Variants in PDE4DIP observed in about 807,000 individuals in gnomAD.
PDE4DIP encodes phosphodiesterase 4D interacting protein.
In PDE4DIP, 59 loss-of-function variants were observed where a neutral mutation model predicts 221.4. The ratio of observed to expected loss-of-function variants is 0.27; its 90% CI spans 0.22 to 0.33. PDE4DIP has a LOEUF of 0.33. Ranked by LOEUF, PDE4DIP falls within the 10% of genes least tolerant of loss-of-function variation. PDE4DIP has a pLI of 1.00. For missense variants in PDE4DIP, 1,036 were observed against 2,154.2 expected (o/e 0.48, Z 10.28); for synonymous variants, 404 against 815.9 (o/e 0.50, Z 8.60).
intron 14 of PDE4DIP, among the ~76,000 whole-genome samples, chr1:148,969,675 A>G (rs1277812936): frequency 2.7e-5 from 4 of 147,034 alleles, no homozygotes; most frequent in East Asian, 2.0e-4. Flanking sequence ...AGTACAGGGT[A>G]TATTAATTTC....
chr1:148,978,136 C>T, intron 18 of PDE4DIP, 83 bp downstream of exon 21: 1 of 1,358,612 alleles, frequency 7.4e-7, no homozygotes. Context: ...TATTTGCACA[C>T]ATCGAATCCC....
chr1:148,937,654 A>G, intron 4 of PDE4DIP, 93 bp from the exon 8 acceptor site: 1 of 670,610 alleles, frequency 1.5e-6, no homozygotes, highest in Non-Finnish European at 2.7e-6. Flanking sequence ...AACCTGCTAT[A>G]CTAGACCATG....
chr1:149,028,710 T>A lies in PDE4DIP; in HGVS notation c.6813+7T>A. The A allele has an allele frequency of 6.5e-7, 1 of 1,535,342 alleles. No individual in the cohort carries two copies. Among genetic ancestry groups the A allele is most frequent in the Non-Finnish European group, 8.9e-7 (1 of 1,118,464 alleles). Reference sequence around the variant, plus strand: ...TGTGCTGCCTGGCAAAGTGGTAAGATGCCAGTGCCCTTTCTTGGTTCAAAC... The same window carrying A: ...TGTGCTGCCTGGCAAAGTGGTAAGAAGCCAGTGCCCTTTCTTGGTTCAAAC... On this transcript the variant is annotated splice_region_variant and intron_variant, in intron 41 of 43. Transcript: ENST00000369354.
intron 10 of PDE4DIP, among the ~76,000 whole-genome samples, 174 bp from the exon 14 acceptor site, chr1:148,966,367 CTG>C (rs1428993962): frequency 1.7e-5 from 2 of 121,076 alleles, no homozygotes; most frequent in African/African-American, 6.6e-5. Context: ...TGTGTTGTGT[CTG>C]TTGTATGTTG....
chr1:148,877,184 C>G, intron 3 of PDE4DIP, among the ~76,000 whole-genome samples: 1 of 149,522 alleles, frequency 6.7e-6, no homozygotes, highest in African/African-American at 2.5e-5. Context: ...TCCATTATAA[C>G]AAATTTAAGA....
intron 5 of PDE4DIP, among the ~76,000 whole-genome samples, chr1:148,951,606 A>G (rs1553488487): frequency 6.6e-6 from 1 of 151,978 alleles, no homozygotes; most frequent in Non-Finnish European, 1.5e-5. Context: ...ACTGCCCTCT[A>G]CCTGAGGGAA....
intron 16 of PDE4DIP, among the ~76,000 whole-genome samples, chr1:148,973,717 G>A (rs1553534219): frequency 6.6e-6 from 1 of 151,678 alleles, no homozygotes; most frequent in Non-Finnish European, 1.5e-5. Flanking sequence ...ATTAAGTAAT[G>A]TTTAAGATTT....
intron 35 of PDE4DIP, chr1:149,019,342 A>T (rs2071832260): frequency 7.4e-6 from 1 of 135,486 alleles, no homozygotes; most frequent in Admixed American, 7.7e-5. Context: ...ACAAATATTT[A>T]TGAACAGCCA....
chr1:148,927,191 ATAACT>A (rs2046906552), intron 1 of PDE4DIP, among the ~76,000 whole-genome samples: 2 of 151,938 alleles, frequency 1.3e-5, no homozygotes. Flanking sequence ...TCATAAAATA[ATAACT>A]TTAAAGTATA....
At chr1:148,884,965 G>A (rs1201421391), upstream of PDE4DIP, among the ~76,000 whole-genome samples, 8 of 148,386 alleles carry the variant, frequency 5.4e-5, no homozygotes, top group African/African-American at 9.9e-5. Flanking sequence ...CTTGTGTATC[G>A]ATTAAGTTGT....
chr1:149,018,168 G>A (rs1380660338), intron 34 of PDE4DIP, among the ~76,000 whole-genome samples: 2 of 151,848 alleles, frequency 1.3e-5, no homozygotes, highest in Non-Finnish European at 2.9e-5. Flanking sequence ...GGTGGAACCA[G>A]GTCTGTAAGG....
intron 22 of PDE4DIP, among the ~76,000 whole-genome samples, chr1:148,997,572 C>T (rs587609731): frequency 1.3e-5 from 2 of 152,244 alleles, no homozygotes; most frequent in South Asian, 4.2e-4. Flanking sequence ...TTGGTGTTGT[C>T]TTCCCTGTCG....
intron 4 of PDE4DIP, 92 bp from the exon 8 acceptor site, chr1:148,937,655 C>T (rs1262518001): frequency 1.2e-5 from 8 of 670,276 alleles, no homozygotes; most frequent in Admixed American, 8.9e-5. Context: ...ACCTGCTATA[C>T]TAGACCATGC....
chr1:148,892,576 TGTCTCTATCTA>T (rs2149370033), intron 1 of PDE4DIP, among the ~76,000 whole-genome samples: 1 of 121,140 alleles, frequency 8.3e-6, no homozygotes, highest in South Asian at 3.1e-4. Context: ...GATATGGCCC[TGTCTCTATCTA>T]GTCTTACGTG....
exon 44 of PDE4DIP, chr1:149,032,396 G>A (rs1405580917): frequency 7.6e-5 from 36 of 471,804 alleles, no homozygotes; most frequent in African/African-American, 1.5e-4. Context: ...AAAGGGGCAC[G>A]TGGTCCCAAT....
chr1:149,000,522 C>T (rs1387961505), intron 23 of PDE4DIP, among the ~76,000 whole-genome samples: 2 of 151,378 alleles, frequency 1.3e-5, no homozygotes, highest in African/African-American at 4.9e-5. Flanking sequence ...CCACTGCACT[C>T]CAGCCTGGGT....
intron 14 of PDE4DIP, among the ~76,000 whole-genome samples, chr1:148,970,988 T>C (rs1260350894): frequency 1.3e-5 from 2 of 151,710 alleles, no homozygotes; most frequent in Non-Finnish European, 3.0e-5. Context: ...GTTGGTGTTA[T>C]GATTCATCAT....
chr1:148,932,903 C>T (rs1222476921), intron 4 of PDE4DIP, among the ~76,000 whole-genome samples: 5 of 152,074 alleles, frequency 3.3e-5, no homozygotes, highest in African/African-American at 9.7e-5. Context: ...GGGATTAATA[C>T]GCTTGTAAAA....
chr1:148,953,133 C>G, intron 5 of PDE4DIP: 2 of 1,613,942 alleles, frequency 1.2e-6, no homozygotes, highest in East Asian at 2.2e-5. Context: ...GTTGACATGT[C>G]CGTCTTACCC....
Sources: allele counts gnomAD v4.1 joint callset (sites outside exome capture counted in the v4.1 genomes callset), GRCh38; gene constraint gnomAD v4.1.1; transcripts MANE v1.5; gene names NCBI Gene and HGNC (gene_info 2026-07-23, HGNC 2026-07-21).